APP: variants seen among roughly 807,000 people sequenced by gnomAD.
APP encodes the protein amyloid beta precursor protein, also known as amyloid-beta precursor protein.
In APP, 31 loss-of-function variants were observed where a neutral mutation model predicts 101.4. That is an observed-to-expected ratio of 0.31 (90% CI 0.23 to 0.41). APP has a LOEUF of 0.41. Ranked by LOEUF, APP falls within the 10% of genes least tolerant of loss-of-function variation. The pLI, the probability that APP is intolerant of heterozygous loss-of-function variation, is 1.00. For missense variants in APP, 839 were observed against 1,003.7 expected (o/e 0.84, Z 2.22); for synonymous variants, 366 against 364.4 (o/e 1.00, Z -0.05).
chr21:25,975,374 T>C (rs1245470923), intron 10 of APP, 146 bp from the exon 11 acceptor site: 1 of 1,068,698 alleles, frequency 9.4e-7, no homozygotes, highest in African/African-American at 1.6e-5. Flanking sequence ...CAACATTGAC[T>C]AATTCTACGT....
At chr21:26,008,614 C>T (rs997837283) in intron 6 of APP, among the ~76,000 whole-genome samples, 5 of 152,162 alleles carry the variant, frequency 3.3e-5, no homozygotes, top group South Asian at 4.1e-4. Flanking sequence ...ATGGCTATGG[C>T]TTACAAAATT....
chr21:26,007,818 G>A lies in APP; in HGVS notation c.866-7636C>T, dbSNP rs536558838. 8.2e-4 allele frequency among the ~76,000 whole-genome samples: 125 copies of A among 152,244 alleles called. 1 individual carries two copies. The highest frequency in any genetic ancestry group is 1.6e-3 in the Admixed American group (24 of 15,290). On this transcript the variant is annotated intron_variant, in intron 6 of 17. Coordinates refer to ENST00000346798, the MANE Select transcript of APP (RefSeq NM_000484.4). ...AGAAAAGAACATTTTTCAAGTGCTTGTACGTAGTGGCAAGCAGTCGTCAAA... is the reference window on the plus strand; with the variant it reads ...AGAAAAGAACATTTTTCAAGTGCTTATACGTAGTGGCAAGCAGTCGTCAAA...
intron 11 of APP, among the ~76,000 whole-genome samples, chr21:25,968,091 T>TC (rs925039901): frequency 2.6e-5 from 4 of 152,186 alleles, no homozygotes; most frequent in African/African-American, 9.7e-5. Flanking sequence ...GCTCAACTTT[T>TC]TTTTCCCATG....
chr21:25,950,128 C>T (rs2146468801), intron 13 of APP, among the ~76,000 whole-genome samples: 1 of 152,286 alleles, frequency 6.6e-6, no homozygotes, highest in East Asian at 1.9e-4. Context: ...CCCTAAACCA[C>T]CTGCCACTGC....
At chr21:26,110,574 G>C (rs1430802971) in intron 2 of APP, among the ~76,000 whole-genome samples, 2 of 152,012 alleles carry the variant, frequency 1.3e-5, no homozygotes, top group African/African-American at 4.8e-5. Context: ...GTAATATATT[G>C]TGATAATGTA....
chr21:26,033,815 T>C (rs949992602), intron 5 of APP, among the ~76,000 whole-genome samples: 4 of 152,092 alleles, frequency 2.6e-5, no homozygotes. Flanking sequence ...ACAGAACTGG[T>C]GACTGGGGAT....
chr21:25,929,294 A>C (rs903583055), intron 13 of APP, among the ~76,000 whole-genome samples: 2 of 152,188 alleles, frequency 1.3e-5, no homozygotes, highest in African/African-American at 4.8e-5. Context: ...GTTTTTACTA[A>C]TTATAAGAGT....
chr21:25,890,458 G>A (rs1399886178), intron 17 of APP, among the ~76,000 whole-genome samples: 5 of 152,234 alleles, frequency 3.3e-5, no homozygotes, highest in Non-Finnish European at 7.4e-5. Context: ...AAAGCAATGG[G>A]GGCCAGACGC....
intron 15 of APP, among the ~76,000 whole-genome samples, chr21:25,900,987 C>CAAAAAAAAAAAAAAAAAAAAAAAAAAAAA: frequency 1.7e-5 from 2 of 118,582 alleles, no homozygotes; most frequent in East Asian, 3.2e-4. Context: ...GACTCCATCT[C>CAAAAAAAAAAAAAAAAAAAAAAAAAAAAA]AAAAAAAAAA....
chr21:25,954,320 G>C (rs1425995990), intron 13 of APP, among the ~76,000 whole-genome samples: 1 of 152,196 alleles, frequency 6.6e-6, no homozygotes, highest in African/African-American at 2.4e-5. Context: ...TAGAAAAAAT[G>C]CTGCCACGTA....
intron 1 of APP, among the ~76,000 whole-genome samples, chr21:26,156,645 T>C (rs978884008): frequency 4.6e-5 from 7 of 152,222 alleles, no homozygotes; most frequent in Non-Finnish European, 7.3e-5. Flanking sequence ...TAGCCAGTTA[T>C]GATAGCTCAA....
intron 9 of APP, among the ~76,000 whole-genome samples, chr21:25,980,946 C>T (rs528915632): frequency 2.6e-5 from 4 of 152,076 alleles, no homozygotes; most frequent in Non-Finnish European, 4.4e-5. Flanking sequence ...AAAGAATGAG[C>T]GAAGCAGGGT....
chr21:25,898,387 AAAT>A (rs1601326785), intron 15 of APP, among the ~76,000 whole-genome samples: 3 of 152,226 alleles, frequency 2.0e-5, no homozygotes, highest in Admixed American at 6.5e-5. Flanking sequence ...TTCATTATTC[AAAT>A]AATAATTTGA....
chr21:25,928,074 G>A (rs1475141567), intron 13 of APP, among the ~76,000 whole-genome samples: 1 of 152,200 alleles, frequency 6.6e-6, no homozygotes, highest in African/African-American at 2.4e-5. Flanking sequence ...GCCAGGCGCG[G>A]TGGCTCACGC....
intron 6 of APP, among the ~76,000 whole-genome samples, chr21:26,010,467 T>C (rs1021210134): frequency 1.3e-5 from 2 of 152,174 alleles, no homozygotes; most frequent in African/African-American, 4.8e-5. Flanking sequence ...AAATGTTCAC[T>C]GGTTATCTAC....
intron 6 of APP, chr21:26,010,007 G>T (rs2043719347): frequency 6.7e-6 from 1 of 148,878 alleles, no homozygotes; most frequent in Non-Finnish European, 1.5e-5. Context: ...GGGTTGGAAG[G>T]ATGGTCCTAC....
intron 1 of APP, among the ~76,000 whole-genome samples, chr21:26,130,060 T>C (rs1017528466): frequency 3.3e-5 from 5 of 152,220 alleles, no homozygotes; most frequent in African/African-American, 1.2e-4. Context: ...AGATGTTATA[T>C]TGAAACGTTG....
At chr21:26,128,071 A>G (rs1412147489) in intron 1 of APP, among the ~76,000 whole-genome samples, 2 of 152,184 alleles carry the variant, frequency 1.3e-5, no homozygotes, top group African/African-American at 2.4e-5. Context: ...TGGTTTAAAG[A>G]ATGTCTTATG....
chr21:26,083,467 C>T (rs373929226), intron 3 of APP, among the ~76,000 whole-genome samples: 2 of 152,178 alleles, frequency 1.3e-5, no homozygotes, highest in East Asian at 3.9e-4. Context: ...AAAAGCAAAA[C>T]ATACATGAAA....
Sources: allele counts gnomAD v4.1 joint callset (sites outside exome capture counted in the v4.1 genomes callset), GRCh38; gene constraint gnomAD v4.1.1; transcripts MANE v1.5; gene names NCBI Gene and HGNC (gene_info 2026-07-23, HGNC 2026-07-21).